Variants in COL21A1 observed in about 807,000 individuals in gnomAD.
The protein encoded by COL21A1 is collagen type XXI alpha 1 chain, also known as collagen alpha-1(XXI) chain.
In COL21A1, 149 loss-of-function variants were observed where a neutral mutation model predicts 137.9. The ratio of observed to expected loss-of-function variants is 1.08; its 90% confidence interval spans 0.95 to 1.24. COL21A1 has a LOEUF of 1.24. COL21A1 is among the 50% of genes most tolerant of loss of function. COL21A1 has a pLI of 0.00. For missense variants in COL21A1, 1,167 were observed against 1,158.4 expected (o/e 1.01, Z -0.11); for synonymous variants, 456 against 391.5 (o/e 1.16, Z -1.95).
chr6:56,090,152 T>C (rs1463377518), intron 17 of COL21A1, among the ~76,000 whole-genome samples: 1 of 152,150 alleles, frequency 6.6e-6, no homozygotes, highest in African/African-American at 2.4e-5. Context: ...GGCAGGAGAA[T>C]TGCTTGAACC....
intron 16 of COL21A1, among the ~76,000 whole-genome samples, chr6:56,111,599 CATGCCT>C (rs1260608858): frequency 6.6e-6 from 1 of 151,916 alleles, no homozygotes; most frequent in East Asian, 1.9e-4. Flanking sequence ...CATGGTGGCT[CATGCCT>C]GTAATCCCAG....
At chr6:56,390,648 G>A (rs2152353776) in intron 1 of COL21A1, among the ~76,000 whole-genome samples, 1 of 151,800 alleles carries the variant, frequency 6.6e-6, no homozygotes, top group South Asian at 2.1e-4. Flanking sequence ...AAGAGCAGGA[G>A]TACCTACACT....
intron 1 of COL21A1, among the ~76,000 whole-genome samples, chr6:56,215,737 T>C (rs1319633320): frequency 1.3e-5 from 2 of 152,034 alleles, no homozygotes; most frequent in African/African-American, 4.8e-5. Context: ...ACTAAATAAA[T>C]AATATTTTTC....
chr6:56,388,047 T>G (rs1407352059), intron 1 of COL21A1, among the ~76,000 whole-genome samples: 1 of 152,182 alleles, frequency 6.6e-6, no homozygotes, highest in African/African-American at 2.4e-5. Context: ...CAGAGAACTT[T>G]GTCTTGCAAC....
At chr6:56,316,671 G>A (rs1764746190) in intron 1 of COL21A1, among the ~76,000 whole-genome samples, 3 of 151,552 alleles carry the variant, frequency 2.0e-5, no homozygotes, top group Non-Finnish European at 4.4e-5. Flanking sequence ...TAGTAGAGAT[G>A]AGGTTTTGTC....
Position 56,107,519 on chromosome 6 carries a change from C to T in COL21A1, c.1759-5994G>A, listed in dbSNP as rs1293645944. ...AACATATGCTATTAGACTTTAAATG[C>T]AAAATTGTTTTTGTTTTAAACTCTC... On this transcript the variant is annotated intron_variant, in intron 16 of 29. Transcript: ENST00000244728. Among the ~76,000 whole-genome samples, 4 of 151,652 alleles carry T rather than the reference C, an allele frequency of 2.6e-5. No homozygotes were observed. In the South Asian group the frequency reaches 6.2e-4, roughly 24 times the overall value.
chr6:56,088,145 C>A (rs1331334935), intron 17 of COL21A1, among the ~76,000 whole-genome samples: 1 of 152,138 alleles, frequency 6.6e-6, no homozygotes, highest in Non-Finnish European at 1.5e-5. Flanking sequence ...GGGTGGATCA[C>A]CTGAGGTCAG....
intron 16 of COL21A1, among the ~76,000 whole-genome samples, chr6:56,103,952 C>A (rs1770664383): frequency 6.6e-6 from 1 of 152,074 alleles, no homozygotes; most frequent in South Asian, 2.1e-4. Flanking sequence ...CTACTCTAGC[C>A]CAGATCTCAA....
chr6:56,138,513 G>A (rs112800317), intron 12 of COL21A1, among the ~76,000 whole-genome samples: 86 of 151,940 alleles, frequency 5.7e-4, no homozygotes, highest in African/African-American at 2.0e-3. Context: ...TGGCAGCAAG[G>A]AGAAATCTAG....
intron 1 of COL21A1, among the ~76,000 whole-genome samples, chr6:56,317,166 G>A (rs778132380): frequency 7.9e-5 from 12 of 152,142 alleles, no homozygotes; most frequent in East Asian, 3.9e-4. Context: ...ACCTTGGTTC[G>A]CTTATAGACC....
chr6:56,060,913 G>A lies in COL21A1; in HGVS notation c.2330C>T (p.Pro777Leu), dbSNP rs750287951. The change falls in exon 26 of 30, where the codon CCC (proline) becomes CTC (leucine). Residue 777 changes from proline (P) to leucine (L), a missense_variant. By Grantham distance (98) the Pro-to-Leu change is moderately conservative. Coordinates refer to ENST00000244728, the MANE Select transcript of COL21A1 (RefSeq NM_030820.4). ...GQPGDPGPQG[P>L]PGLDGKPGRE... ...TACGGGCTTCCCATCCAAACCTGGG[G>A]GTCCCTGAGGACCTGGATCCCCAGG... The A allele has an allele frequency of 6.3e-7, 1 of 1,576,862 alleles. No homozygotes were observed. Among genetic ancestry groups the A allele is most frequent in the Non-Finnish European group, 8.6e-7 (1 of 1,167,402 alleles).
At chr6:56,128,537 C>A (rs1773234369) in intron 12 of COL21A1, among the ~76,000 whole-genome samples, 1 of 152,192 alleles carries the variant, frequency 6.6e-6, no homozygotes. Context: ...ACTTCCCATA[C>A]AAGGATCTTC....
rs943592200 is a variant in COL21A1, at chr6:56,312,401, G to A, written c.-39+81570C>T. Among the ~76,000 whole-genome samples the A allele has an allele frequency of 1.4e-4, 22 of 152,284 alleles. 1 individual carries two copies. The highest frequency in any genetic ancestry group is 1.4e-3 in the Admixed American group (22 of 15,306). ...CCATGGGAGAAGGGGTAAAAGAATT[G>A]AGACTGACTCCCAGCTTTCAGGCAC... On this transcript the variant is annotated intron_variant, in intron 1 of 28. Coordinates refer to the COL21A1 transcript ENST00000370819.
intron 1 of COL21A1, among the ~76,000 whole-genome samples, chr6:56,305,375 T>C (rs2152338275): frequency 6.6e-6 from 1 of 152,326 alleles, no homozygotes; most frequent in African/African-American, 2.4e-5. Flanking sequence ...TCTAAGTCTC[T>C]TTCTAGGTCT....
rs192461073 is a variant in COL21A1, at chr6:56,292,399, C to G, written c.-39+101572G>C. ...ATATCAACAAAACAGGGACCCCCCC[C>G]CTCCCCCGCCAAAGAGAGTCTGGGT... On this transcript the variant is annotated intron_variant, in intron 1 of 28. Transcript: ENST00000370819. Among the ~76,000 whole-genome samples the G allele has an allele frequency of 2.7e-3, 372 of 140,084 alleles. 4 individuals carry two copies. Among genetic ancestry groups the G allele is most frequent in the Non-Finnish European group, 4.4e-3 (287 of 64,512 alleles). 91.9% of individuals were successfully genotyped at this position (140,084 alleles called of 152,430 possible).
At chr6:56,166,657 A>G (rs921899383) in intron 7 of COL21A1, 5 of 557,416 alleles carry the variant, frequency 9.0e-6, no homozygotes, top group African/African-American at 7.6e-5. Context: ...AAATCAAAAC[A>G]AAACAAAACA....
rs1431667770 is a variant in COL21A1, at chr6:56,097,913, A to C, written c.1812+3559T>G. ...TATATAAATATATAAATATATAAAT[A>C]TATATAAATATATAAATATATAAAA... is the stretch of plus-strand genomic sequence containing the variant. On this transcript the variant is annotated intron_variant, in intron 17 of 29. Transcript: ENST00000244728. 2.0e-5 allele frequency among the ~76,000 whole-genome samples: 2 copies of C among 100,886 alleles called. 1 individual carries two copies. Among genetic ancestry groups the C allele is most frequent in the Non-Finnish European group, 3.6e-5 (2 of 55,812 alleles). The allele number at this position is 100,886 out of a possible 152,430, so 66.2% of individuals were successfully genotyped here.
chr6:56,302,074 C>T (rs9382609), intron 1 of COL21A1, among the ~76,000 whole-genome samples: 2 of 150,472 alleles, frequency 1.3e-5, no homozygotes, highest in African/African-American at 4.9e-5. Context: ...TTTTTTATGG[C>T]TGCATAGTAT....
intron 1 of COL21A1, among the ~76,000 whole-genome samples, chr6:56,389,664 T>C (rs2094025321): frequency 6.6e-6 from 1 of 152,118 alleles, no homozygotes; most frequent in African/African-American, 2.4e-5. Context: ...AGGTCAAGGA[T>C]AAAAGATCCT....
Sources: gnomAD v4.1 joint callset for allele counts (sites outside exome capture counted in the v4.1 genomes callset) on GRCh38, gnomAD v4.1.1 for gene constraint, MANE v1.5 for transcripts, NCBI Gene and HGNC (gene_info 2026-07-23, HGNC 2026-07-21) for gene names.